Variants in PRR27 observed in about 807,000 individuals in gnomAD.
The protein encoded by PRR27 is proline-rich protein 27.
PRR27 carries 12 observed loss-of-function variants against 16.8 expected under a neutral mutation model. The ratio of observed to expected loss-of-function variants is 0.71; its 90% confidence interval spans 0.46 to 1.16. The LOEUF (loss-of-function observed/expected upper bound fraction) is 1.16. PRR27 is among the 50% of genes most tolerant of loss of function. The probability of loss-of-function intolerance (pLI) is 0.00; values close to 1 mark genes in which losing one functional copy is unlikely to be tolerated. For missense variants in PRR27, 277 were observed against 273.3 expected (o/e 1.01, Z -0.10); for synonymous variants, 100 against 98.4 (o/e 1.02, Z -0.10).
Position 70,158,730 on chromosome 4 carries a change from GC to G in PRR27, c.479del (p.Ala160GlufsTer64). 6.3e-7 allele frequency: 1 copy of G among 1,578,166 alleles called. No homozygotes were observed. Among genetic ancestry groups the G allele is most frequent in the Non-Finnish European group, 8.7e-7 (1 of 1,152,842 alleles). ...GGCCCCTGTTGCAGCTGAGCCTGCT[GC>G]AGAGGCACCTGTTGGAGCTGAGCCT... Reference protein sequence around the residue: ...AGAPVAAEPAAEAPVGAEPAA... With the variant: ...AGAPVAAEPAXEAPVGAEPAA... On this transcript the variant is annotated frameshift_variant, in exon 3 of 5. Transcript: ENST00000344526. LOFTEE classifies it high-confidence loss of function.
chr4:70,160,437 C>CTGTG (rs1413873981), intron 3 of PRR27, among the ~76,000 whole-genome samples: 172 of 77,924 alleles, frequency 2.2e-3, no homozygotes, highest in Middle Eastern at 0.01. Flanking sequence ...CTCTCTCTCT[C>CTGTG]TCTCTCTGTG....
At chr4:70,162,260 C>A (rs116019602) in intron 4 of PRR27, among the ~76,000 whole-genome samples, 31 of 152,300 alleles carry the variant, frequency 2.0e-4, no homozygotes, top group African/African-American at 7.5e-4. Context: ...AAGGCTTTGA[C>A]TGTCAGCCAA....
At chr4:70,154,533 C>A in intron 1 of PRR27, 107 bp downstream of exon 1, 1 of 973,536 alleles carries the variant, frequency 1.0e-6, no homozygotes, top group Non-Finnish European at 1.6e-6. Context: ...AATAAAGCAG[C>A]AGAGAGACAT....
chr4:70,161,156 G>GTATATA (rs371303125), intron 3 of PRR27, among the ~76,000 whole-genome samples: 7,241 of 93,736 alleles, frequency 0.077, 337 homozygotes, highest in South Asian at 0.13. Flanking sequence ...TATGAACACT[G>GTATATA]TATATATATA....
At chr4:70,154,630 A>G in intron 1 of PRR27, 1 of 870,438 alleles carries the variant, frequency 1.1e-6, no homozygotes, top group Non-Finnish European at 1.8e-6. Flanking sequence ...GAAAATAGAT[A>G]AACAGCAAGG....
At chr4:70,154,961 G>A (rs1438961488) in intron 1 of PRR27, among the ~76,000 whole-genome samples, 1 of 152,142 alleles carries the variant, frequency 6.6e-6, no homozygotes, top group East Asian at 1.9e-4. Context: ...ATCCTAGCCA[G>A]TGACTATGCT....
rs1409248663 is a variant in PRR27 at position 70,164,935 on chromosome 4, A to G, written c.*2274A>G. ...AAAATAAACATGACATCTTATCATG[A>G]GAAACATTTACAGTTTTTGCTTTTA... On this transcript the variant is annotated 3_prime_UTR_variant, in exon 5 of 5. Transcript: ENST00000344526. 1 of 152,150 alleles carries G rather than the reference A, an allele frequency of 6.6e-6. No individual in the cohort carries two copies. The highest frequency in any genetic ancestry group is 1.5e-5 in the Non-Finnish European group (1 of 67,972). 9.4% of individuals were successfully genotyped at this position (152,150 alleles called of 1,614,324 possible). A position where few individuals can be genotyped will look rare whatever the true frequency, so the allele number is the denominator to read the frequency against.
In PRR27 at chr4:70,164,240, A is replaced by G. The variant is rs1728715663; in HGVS notation, c.*1579A>G. The G allele has an allele frequency of 6.6e-6, 1 of 152,198 alleles. No individual in the cohort carries two copies. The highest frequency in any genetic ancestry group is 1.5e-5 in the Non-Finnish European group (1 of 68,034). The allele number at this position is 152,198 out of a possible 1,614,324, so 9.4% of individuals were successfully genotyped here. A position where few individuals can be genotyped will look rare whatever the true frequency, so the allele number is the denominator to read the frequency against. On this transcript the variant is annotated 3_prime_UTR_variant, in exon 5 of 5. Coordinates refer to ENST00000344526, the MANE Select transcript of PRR27 (RefSeq NM_214711.4). ...CAGCACTTTATCAGGGCCTATAACA[A>G]TGCCTGGGACATATTCAGTGACCAG...
At chr4:70,158,251 A>G in intron 2 of PRR27, 77 bp from the exon 3 acceptor site, 2 of 881,598 alleles carry the variant, frequency 2.3e-6, no homozygotes, top group East Asian at 2.4e-5. Flanking sequence ...CTTATCATAT[A>G]TCATCACAGT....
Position 70,164,788 on chromosome 4 carries a change from C to T in PRR27, c.*2127C>T, listed in dbSNP as rs1728729928. On this transcript the variant is annotated 3_prime_UTR_variant, in exon 5 of 5. Transcript: ENST00000344526. ...ATATCAAGAGGCTACAAAGTCTTAG[C>T]AAATTATAATTGCTAATGGTACATT... The T allele has an allele frequency of 6.6e-6, 1 of 152,006 alleles. No individual in the cohort carries two copies. The highest frequency in any genetic ancestry group is 6.6e-5 in the Admixed American group (1 of 15,252). The allele number at this position is 152,006 out of a possible 1,614,324, so 9.4% of individuals were successfully genotyped here. A position where few individuals can be genotyped will look rare whatever the true frequency, so the allele number is the denominator to read the frequency against.
At chr4:70,158,172 C>T (rs1728534327) in intron 2 of PRR27, among the ~76,000 whole-genome samples, 156 bp from the exon 3 acceptor site, 1 of 152,136 alleles carries the variant, frequency 6.6e-6, no homozygotes, top group Admixed American at 6.5e-5. Context: ...TTACTTCTTA[C>T]TTCAAAAATA....
chr4:70,158,561 T>C lies in PRR27; in HGVS notation c.309T>C (p.Pro103=), dbSNP rs1189830822. The C allele has an allele frequency of 1.2e-6, 2 of 1,613,998 alleles. No individual in the cohort carries two copies. The highest frequency in any genetic ancestry group is 2.7e-5 in the African/African-American group (2 of 74,902). The part of the protein sequence containing the change: ...FPLATQLNVP[P]LPPRGFPFVP... ...TAGCTACTCAGTTGAATGTTCCTCC[T>C]CTCCCTCCTAGGGGTTTCCCGTTTG... Residue 103 remains proline, a synonymous_variant, in exon 3 of 5, where the codon CCT becomes CCC. Coordinates refer to ENST00000344526, the MANE Select transcript of PRR27 (RefSeq NM_214711.4).
intron 1 of PRR27, 195 bp downstream of exon 1, chr4:70,154,621 A>C (rs1440155517): frequency 4.7e-6 from 4 of 851,608 alleles, no homozygotes; most frequent in Non-Finnish European, 7.4e-6. Context: ...GTAGTATCTG[A>C]AAATAGATAA....
At chr4:70,160,954 T>C (rs1200521381) in intron 3 of PRR27, among the ~76,000 whole-genome samples, 2 of 151,860 alleles carry the variant, frequency 1.3e-5, no homozygotes, top group Non-Finnish European at 2.9e-5. Flanking sequence ...GCTCTAGTAG[T>C]TGTTACCTAG....
rs1728565490 is a variant in PRR27, at chr4:70,158,878, A to G, written c.626A>G (p.His209Arg). 3.7e-6 allele frequency: 6 copies of G among 1,610,050 alleles called. No individual in the cohort carries two copies. Among genetic ancestry groups the G allele is most frequent in the Non-Finnish European group, 5.1e-6 (6 of 1,178,256 alleles). ...ATAKPAAPEP[H>R]PSPSLEQANQ ...GCCAAGCCTGCTGCCCCAGAACCTC[A>G]CCCTTCTCCCTCTCTTGAACAGGTA... Residue 209 changes from histidine to arginine, a missense_variant, in exon 3 of 5, where the codon CAC (histidine) becomes CGC (arginine). Transcript: ENST00000344526.
chr4:70,162,043 G>A (rs1436988348), intron 4 of PRR27, among the ~76,000 whole-genome samples: 1 of 152,118 alleles, frequency 6.6e-6, no homozygotes, highest in Non-Finnish European at 1.5e-5. Flanking sequence ...TACTGTTTTA[G>A]AAAACAAACA....
Position 70,163,566 on chromosome 4 carries a change from C to T in PRR27, c.*905C>T. Reference sequence around the variant, plus strand: ...TGACCTCATGATCTGTCCGCCTCGGCCTCCCAAAGTGCTGGGAATACAGGC... The same window carrying T: ...TGACCTCATGATCTGTCCGCCTCGGTCTCCCAAAGTGCTGGGAATACAGGC... On this transcript the variant is annotated 3_prime_UTR_variant, in exon 5 of 5. Coordinates refer to ENST00000344526, the MANE Select transcript of PRR27 (RefSeq NM_214711.4). 6.6e-6 allele frequency: 1 copy of T among 152,500 alleles called. No homozygotes were observed. The highest frequency in any genetic ancestry group is 2.4e-5 in the African/African-American group (1 of 41,424). 9.4% of individuals were successfully genotyped at this position (152,500 alleles called of 1,614,324 possible).
Position 70,158,474 on chromosome 4 carries a change from G to C in PRR27, c.222G>C (p.Ser74=), listed in dbSNP as rs971810835. Residue 74 remains serine (S), a synonymous_variant, in exon 3 of 5, where the codon TCG becomes TCC. Coordinates refer to ENST00000344526, the MANE Select transcript of PRR27 (RefSeq NM_214711.4). ...CTTACACTGACACAGGGTTACCTTC[G>C]TATCCCTGGATTCTAACTTCTCCTG... ...GNTYTDTGLP[S]YPWILTSPGF... is the part of the protein sequence containing the mutation. The C allele has an allele frequency of 1.2e-6, 2 of 1,613,940 alleles. No homozygotes were observed. The highest frequency in any genetic ancestry group is 2.7e-5 in the African/African-American group (2 of 74,878).
Position 70,164,362 on chromosome 4 carries a change from T to C in PRR27, c.*1701T>C, listed in dbSNP as rs1056436334. On this transcript the variant is annotated 3_prime_UTR_variant, in exon 5 of 5. Coordinates refer to ENST00000344526, the MANE Select transcript of PRR27 (RefSeq NM_214711.4). Reference sequence around the variant, plus strand: ...TTTACAAACATTCAACATATTTTTATTTTGAAATAATTTTGTATTTTTCCC... The same window carrying C: ...TTTACAAACATTCAACATATTTTTACTTTGAAATAATTTTGTATTTTTCCC... The C allele has an allele frequency of 6.6e-6, 1 of 152,182 alleles. No individual in the cohort carries two copies. The highest frequency in any genetic ancestry group is 1.9e-4 in the East Asian group (1 of 5,204). 9.4% of individuals were successfully genotyped at this position (152,182 alleles called of 1,614,324 possible). A position where few individuals can be genotyped will look rare whatever the true frequency, so the allele number is the denominator to read the frequency against.
Sources: allele counts gnomAD v4.1 joint callset (sites outside exome capture counted in the v4.1 genomes callset), GRCh38; gene constraint gnomAD v4.1.1; transcripts MANE v1.5; gene names NCBI Gene and HGNC (gene_info 2026-07-23, HGNC 2026-07-21).